The following KIF16B variants were observed in gnomAD, a reference collection of about 807,000 sequenced individuals.
KIF16B encodes kinesin-like protein KIF16B.
In KIF16B, 98 loss-of-function variants were observed where a neutral mutation model predicts 156.3. The observed-to-expected ratio is 0.63, with a 90% CI of 0.53 to 0.74. KIF16B has a LOEUF of 0.74. KIF16B is among the 30% of genes least tolerant of loss of function. The pLI is 0.00. For missense variants in KIF16B, 1,421 were observed against 1,606.5 expected (o/e 0.88, Z 1.97); for synonymous variants, 564 against 583.7 (o/e 0.97, Z 0.49).
rs765629632 is a variant in KIF16B at position 16,374,425 on chromosome 20, C to T, written c.3198-16G>A. The T allele has an allele frequency of 1.5e-5, 23 of 1,504,956 alleles. No homozygotes were observed. The highest frequency in any genetic ancestry group is 1.8e-4 in the Middle Eastern group (1 of 5,648). The allele number at this position is 1,504,956 out of a possible 1,614,324, so 93.2% of individuals were successfully genotyped here. On this transcript the variant is annotated splice_polypyrimidine_tract_variant and intron_variant, in intron 19 of 25. Coordinates refer to ENST00000354981, the MANE Select transcript of KIF16B (RefSeq NM_024704.5). ...ATATTCTAACCTACACAGATAGGAG[C>T]CACATAATTCATTCATTAATAGTAT... is the stretch of plus-strand genomic sequence containing the variant.
At chr20:16,339,776 C>A (rs1483623038) in intron 23 of KIF16B, among the ~76,000 whole-genome samples, 1 of 152,166 alleles carries the variant, frequency 6.6e-6, no homozygotes, top group Non-Finnish European at 1.5e-5. Context: ...TCCCTTCTTG[C>A]CAAGCTTCCA....
intron 15 of KIF16B, among the ~76,000 whole-genome samples, chr20:16,408,770 C>T (rs1285676837): frequency 2.0e-5 from 3 of 152,054 alleles, no homozygotes; most frequent in Non-Finnish European, 4.4e-5. Flanking sequence ...TCAGTGCTTC[C>T]ATCTAGATAA....
chr20:16,444,525 C>T (rs549102104), intron 12 of KIF16B, among the ~76,000 whole-genome samples: 112 of 152,192 alleles, frequency 7.4e-4, no homozygotes, highest in African/African-American at 2.5e-3. Context: ...GGTGTAGTAC[C>T]GTGGAGTACT....
intron 15 of KIF16B, among the ~76,000 whole-genome samples, chr20:16,412,490 A>G (rs1568952385): frequency 6.6e-6 from 1 of 152,200 alleles, no homozygotes; most frequent in Admixed American, 6.5e-5. Context: ...TTTATAAAGT[A>G]AAGAGATGTA....
chr20:16,456,135 TACAATACAATAC>T (rs1435659629), intron 12 of KIF16B, among the ~76,000 whole-genome samples: 58 of 151,900 alleles, frequency 3.8e-4, no homozygotes, highest in African/African-American at 1.4e-3. Context: ...TACAATACAA[TACAATACAATAC>T]AATACAATAC....
At chr20:16,485,898 T>C (rs1474081693) in intron 12 of KIF16B, among the ~76,000 whole-genome samples, 1 of 152,144 alleles carries the variant, frequency 6.6e-6, no homozygotes, top group Non-Finnish European at 1.5e-5. Flanking sequence ...CACACATATA[T>C]ATACATATAT....
chr20:16,279,570 C>T (rs995175367), intron 25 of KIF16B, among the ~76,000 whole-genome samples: 2 of 152,138 alleles, frequency 1.3e-5, no homozygotes, highest in African/African-American at 2.4e-5. Context: ...TTGTAGAACA[C>T]AATCAAGCTC....
chr20:16,531,923 C>T (rs967989467), intron 1 of KIF16B, among the ~76,000 whole-genome samples: 1 of 151,864 alleles, frequency 6.6e-6, no homozygotes, highest in African/African-American at 2.4e-5. Context: ...CAAAAAATAG[C>T]CGGGTGTGGT....
chr20:16,512,639 C>T (rs1339191178), intron 5 of KIF16B, among the ~76,000 whole-genome samples, 187 bp downstream of exon 5: 1 of 152,194 alleles, frequency 6.6e-6, no homozygotes, highest in African/African-American at 2.4e-5. Context: ...CAAACTGTAC[C>T]CAAGAAAATC....
chr20:16,292,401 G>A (rs1160849432), intron 25 of KIF16B, among the ~76,000 whole-genome samples: 1 of 152,102 alleles, frequency 6.6e-6, no homozygotes, highest in African/African-American at 2.4e-5. Flanking sequence ...GACACATATA[G>A]AAGAAAAAAG....
chr20:16,435,203 A>G (rs1568978888), intron 12 of KIF16B, among the ~76,000 whole-genome samples: 1 of 152,190 alleles, frequency 6.6e-6, no homozygotes, highest in Non-Finnish European at 1.5e-5. Flanking sequence ...AGTTTTAAGC[A>G]CCATTACCTG....
chr20:16,533,071 T>C (rs1385865836), intron 1 of KIF16B, among the ~76,000 whole-genome samples: 1 of 152,214 alleles, frequency 6.6e-6, no homozygotes, highest in Non-Finnish European at 1.5e-5. Context: ...TGACTGTCTT[T>C]TTATTAGCTA....
At chr20:16,437,058 C>T (rs2066659153) in intron 12 of KIF16B, among the ~76,000 whole-genome samples, 2 of 152,142 alleles carry the variant, frequency 1.3e-5, no homozygotes, top group Non-Finnish European at 2.9e-5. Flanking sequence ...TTTAAATCAT[C>T]TTTAGATTAC....
chr20:16,559,139 C>T (rs987391340), intron 1 of KIF16B, among the ~76,000 whole-genome samples: 2 of 152,086 alleles, frequency 1.3e-5, no homozygotes, highest in African/African-American at 2.4e-5. Flanking sequence ...AAAACCAATA[C>T]TTGCCACACC....
intron 23 of KIF16B, among the ~76,000 whole-genome samples, chr20:16,348,242 T>A (rs1331041623): frequency 6.6e-6 from 1 of 152,196 alleles, no homozygotes; most frequent in African/African-American, 2.4e-5. Flanking sequence ...TAGCCTCAAC[T>A]TATAAATGTG....
At chr20:16,524,058 G>T (rs1481781054) in intron 3 of KIF16B, among the ~76,000 whole-genome samples, 4 of 151,954 alleles carry the variant, frequency 2.6e-5, no homozygotes. Context: ...TAAGACCTAG[G>T]ACCATAAAAA....
intron 25 of KIF16B, among the ~76,000 whole-genome samples, chr20:16,306,620 A>G (rs985305289): frequency 2.0e-5 from 3 of 152,156 alleles, no homozygotes; most frequent in Non-Finnish European, 2.9e-5. Context: ...TTGCAAGTAA[A>G]TGTAACAAAC....
Position 16,573,312 on chromosome 20 carries a change from G to C in KIF16B, c.-37C>G. On this transcript the variant is annotated 5_prime_UTR_variant, in exon 1 of 26. Transcript: ENST00000354981. ...AACCAGCCCGCGCGGGGTCCCACTA[G>C]CCCAGAACTCCGCGGTCGCCGGCGA... is the stretch of plus-strand genomic sequence containing the variant. 6.2e-7 allele frequency: 1 copy of C among 1,606,848 alleles called. No individual in the cohort carries two copies. The highest frequency in any genetic ancestry group is 1.1e-5 in the South Asian group (1 of 89,978).
chr20:16,463,380 C>G (rs2067401044), intron 12 of KIF16B, among the ~76,000 whole-genome samples: 1 of 152,136 alleles, frequency 6.6e-6, no homozygotes, highest in South Asian at 2.1e-4. Flanking sequence ...GGCACTATAC[C>G]TAGTGGTCCC....
Sources: allele counts gnomAD v4.1 joint callset (sites outside exome capture counted in the v4.1 genomes callset), GRCh38; gene constraint gnomAD v4.1.1; transcripts MANE v1.5; gene names NCBI Gene and HGNC (gene_info 2026-07-23, HGNC 2026-07-21).